The following PIP4K2A variants were observed in gnomAD, a reference collection of about 807,000 sequenced individuals.
The protein encoded by PIP4K2A is phosphatidylinositol-5-phosphate 4-kinase type 2 alpha, also known as phosphatidylinositol 5-phosphate 4-kinase type-2 alpha.
A neutral mutation model predicts 42.9 loss-of-function variants in PIP4K2A; 14 were observed. That is an observed-to-expected ratio of 0.33 (90% confidence interval 0.22 to 0.51). The LOEUF (loss-of-function observed/expected upper bound fraction) is 0.51. Among genes scored for constraint, PIP4K2A ranks in the 20% least tolerant of loss-of-function variants. The probability of loss-of-function intolerance (pLI) is 0.97; values close to 1 mark genes in which losing one functional copy is unlikely to be tolerated. For synonymous variants in PIP4K2A, 192 were observed against 192.2 expected, an observed-to-expected ratio of 1.00 and a Z score of 0.01; for missense variants, 434 against 519.8, an observed-to-expected ratio of 0.83 and a Z score of 1.61.
At chr10:22,584,368 T>C (rs1349525930) in intron 4 of PIP4K2A, among the ~76,000 whole-genome samples, 1 of 150,830 alleles carries the variant, frequency 6.6e-6, no homozygotes, top group African/African-American at 2.4e-5. Flanking sequence ...TAGGACTGGA[T>C]GATATATTTT....
chr10:22,566,879 T>A (rs1432672908), intron 6 of PIP4K2A, among the ~76,000 whole-genome samples: 1 of 152,240 alleles, frequency 6.6e-6, no homozygotes, highest in Non-Finnish European at 1.5e-5. Context: ...AATTTTCTAT[T>A]TGAGGTCTGC....
intron 1 of PIP4K2A, among the ~76,000 whole-genome samples, chr10:22,648,565 T>C (rs747145591): frequency 2.6e-5 from 4 of 152,220 alleles, no homozygotes; most frequent in African/African-American, 9.7e-5. Flanking sequence ...TGTCATTTCA[T>C]ACTATCTCTG....
At chr10:22,537,721 A>G (rs941350317) in intron 9 of PIP4K2A, among the ~76,000 whole-genome samples, 13 of 152,202 alleles carry the variant, frequency 8.5e-5, no homozygotes, top group Admixed American at 2.0e-4. Context: ...ATGACTTAAA[A>G]CCGCATGATT....
rs1283771601 is a variant in PIP4K2A at position 22,714,063 on chromosome 10, C to A, written c.144+120G>T. ...TGGGGGCTTCGAGGCGGGCGAGCAG[C>A]CGGAGGTCCAGGGCTGACTCCGGCT... On this transcript the variant is annotated intron_variant, in intron 1 of 9. Coordinates refer to ENST00000376573, the MANE Select transcript of PIP4K2A (RefSeq NM_005028.5). The A allele has an allele frequency of 2.8e-6, 3 of 1,060,294 alleles. No individual in the cohort carries two copies. The African/African-American group carries it at 4.9e-5, about 17-fold the overall frequency. 65.7% of individuals were successfully genotyped at this position (1,060,294 alleles called of 1,614,324 possible). A position where few individuals can be genotyped will look rare whatever the true frequency, so the allele number is the denominator to read the frequency against.
At chr10:22,641,026 C>CG (rs1455808502) in intron 1 of PIP4K2A, among the ~76,000 whole-genome samples, 1 of 152,084 alleles carries the variant, frequency 6.6e-6, no homozygotes, top group African/African-American at 2.4e-5. Context: ...ATTATCAAGC[C>CG]TTATCAGCTC....
chr10:22,713,046 T>TTG (rs1257036856), intron 1 of PIP4K2A, among the ~76,000 whole-genome samples: 1 of 151,966 alleles, frequency 6.6e-6, no homozygotes, highest in Non-Finnish European at 1.5e-5. Context: ...GAAAGCGAAC[T>TTG]TACACTTTTC....
intron 6 of PIP4K2A, among the ~76,000 whole-genome samples, chr10:22,562,946 G>A (rs1564422110): frequency 6.6e-6 from 1 of 152,142 alleles, no homozygotes; most frequent in African/African-American, 2.4e-5. Flanking sequence ...GGACGTGGTC[G>A]GTGACGGTGG....
At chr10:22,643,393 TA>T (rs1188458555) in intron 1 of PIP4K2A, among the ~76,000 whole-genome samples, 1 of 152,204 alleles carries the variant, frequency 6.6e-6, no homozygotes, top group Non-Finnish European at 1.5e-5. Context: ...ATACAGTGCC[TA>T]AAATACTTAC....
chr10:22,664,382 T>C (rs933844509), intron 1 of PIP4K2A, among the ~76,000 whole-genome samples: 2 of 150,578 alleles, frequency 1.3e-5, no homozygotes, highest in Non-Finnish European at 3.0e-5. Flanking sequence ...AACATATTTA[T>C]GTTTCCTGGC....
intron 1 of PIP4K2A, among the ~76,000 whole-genome samples, chr10:22,686,861 A>G (rs1839774855): frequency 6.6e-6 from 1 of 152,196 alleles, no homozygotes; most frequent in Non-Finnish European, 1.5e-5. Context: ...TGACGCAGCT[A>G]AATTAGACCA....
intron 6 of PIP4K2A, chr10:22,567,578 G>T (rs1356973106): frequency 8.8e-6 from 6 of 682,308 alleles, no homozygotes; most frequent in Non-Finnish European, 1.7e-5. Context: ...TACTGCACAG[G>T]TGGCTGTGTT....
rs375170568 is a variant in PIP4K2A at position 22,614,314 on chromosome 10, T to C, written c.145-4597A>G. 1.6e-4 allele frequency among the ~76,000 whole-genome samples: 25 copies of C among 152,340 alleles called. No individual in the cohort carries two copies. The East Asian group carries it at 4.6e-3, about 28-fold the overall frequency. ...TGAAATTAAAAGAGAATTTCGGAGA[T>C]CATATAGTCTAACCTCTCATTTTGC... On this transcript the variant is annotated intron_variant, in intron 1 of 9. Coordinates refer to ENST00000376573, the MANE Select transcript of PIP4K2A (RefSeq NM_005028.5).
chr10:22,554,096 G>A (rs1238450233), intron 6 of PIP4K2A, among the ~76,000 whole-genome samples: 2 of 151,886 alleles, frequency 1.3e-5, no homozygotes, highest in Admixed American at 6.6e-5. Context: ...AGCCATGATC[G>A]CGCCACTGCA....
At chr10:22,711,522 G>T (rs950936954) in intron 1 of PIP4K2A, among the ~76,000 whole-genome samples, 1 of 152,210 alleles carries the variant, frequency 6.6e-6, no homozygotes, top group Admixed American at 6.5e-5. Flanking sequence ...AGAATCTTGA[G>T]TTAGACTTGG....
intron 1 of PIP4K2A, among the ~76,000 whole-genome samples, chr10:22,639,584 C>A (rs541897890): frequency 1.3e-5 from 2 of 151,908 alleles, no homozygotes; most frequent in Non-Finnish European, 1.5e-5. Flanking sequence ...GTGCACAATT[C>A]GCGGAATATC....
intron 3 of PIP4K2A, among the ~76,000 whole-genome samples, chr10:22,600,010 G>A (rs935207739): frequency 2.6e-5 from 4 of 152,178 alleles, no homozygotes. Flanking sequence ...CAGGATTAGT[G>A]GAGCCCCCAG....
intron 1 of PIP4K2A, among the ~76,000 whole-genome samples, chr10:22,613,174 A>T (rs1418111695): frequency 6.6e-6 from 1 of 152,072 alleles, no homozygotes; most frequent in Non-Finnish European, 1.5e-5. Flanking sequence ...AGCCAGATTG[A>T]ACGGCACAGG....
chr10:22,603,869 C>T (rs1377850638), intron 3 of PIP4K2A, among the ~76,000 whole-genome samples: 1 of 152,142 alleles, frequency 6.6e-6, no homozygotes, highest in Non-Finnish European at 1.5e-5. Context: ...AAACAATGAT[C>T]AGAACCTTGA....
chr10:22,554,120 G>C (rs540088684), intron 6 of PIP4K2A, among the ~76,000 whole-genome samples: 99 of 152,128 alleles, frequency 6.5e-4, no homozygotes, highest in African/African-American at 2.3e-3. Context: ...CAGCCTGGGT[G>C]ACATAGTAAG....
Sources: gnomAD v4.1 joint callset for allele counts (sites outside exome capture counted in the v4.1 genomes callset) on GRCh38, gnomAD v4.1.1 for gene constraint, MANE v1.5 for transcripts, NCBI Gene and HGNC (gene_info 2026-07-23, HGNC 2026-07-21) for gene names.